The following ACTL8 variants were observed in gnomAD, a reference collection of about 807,000 sequenced individuals.
ACTL8 encodes actin-like protein 8.
A neutral mutation model predicts 9.3 loss-of-function variants in ACTL8; 3 were observed. That is an observed-to-expected ratio of 0.32 (90% CI 0.15 to 0.83). The LOEUF is 0.83. Ranked by LOEUF, ACTL8 falls within the 40% of genes least tolerant of loss-of-function variation. The pLI, the probability that ACTL8 is intolerant of heterozygous loss-of-function variation, is 0.57. For missense variants in ACTL8, 381 were observed against 492.2 expected (o/e 0.77, Z 2.14); for synonymous variants, 224 against 205.9 (o/e 1.09, Z -0.75).
chr1:17,821,960 CTTGG>C (rs1334769570), intron 1 of ACTL8, among the ~76,000 whole-genome samples: 15 of 152,168 alleles, frequency 9.9e-5, no homozygotes, highest in African/African-American at 3.4e-4. Context: ...CCCACATTGT[CTTGG>C]CTACTGTAGC....
chr1:17,814,211 T>C (rs1249213327), intron 1 of ACTL8, among the ~76,000 whole-genome samples: 2 of 152,230 alleles, frequency 1.3e-5, no homozygotes, highest in Non-Finnish European at 2.9e-5. Flanking sequence ...CACCAATACT[T>C]ACTGGCTGGA....
At chr1:17,812,516 G>A (rs570787220) in intron 1 of ACTL8, among the ~76,000 whole-genome samples, 1 of 139,200 alleles carries the variant, frequency 7.2e-6, no homozygotes, top group Middle Eastern at 4.0e-3. Context: ...TGCAACCTCC[G>A]CCTCCCGGGC....
chr1:17,779,423 A>G (rs1371530376), intron 1 of ACTL8, among the ~76,000 whole-genome samples: 1 of 152,184 alleles, frequency 6.6e-6, no homozygotes, highest in Non-Finnish European at 1.5e-5. Context: ...AGCTGTGTGA[A>G]TTTGGGAAAA....
At chr1:17,806,442 G>T (rs16830775) in intron 1 of ACTL8, among the ~76,000 whole-genome samples, 5,961 of 152,260 alleles carry the variant, frequency 0.039, 140 homozygotes, top group African/African-American at 0.047. Context: ...CCTGAACCCG[G>T]TTGCTCTTTA....
At chr1:17,788,046 T>C (rs1239165162) in intron 1 of ACTL8, among the ~76,000 whole-genome samples, 1 of 152,230 alleles carries the variant, frequency 6.6e-6, no homozygotes, top group Non-Finnish European at 1.5e-5. Context: ...GCCGTGCTCT[T>C]GTGAGTTGCA....
intron 1 of ACTL8, among the ~76,000 whole-genome samples, chr1:17,783,679 G>A (rs1373537145): frequency 6.6e-6 from 1 of 152,204 alleles, no homozygotes; most frequent in Middle Eastern, 3.2e-3. Context: ...TCGGGCTGGA[G>A]ATGTCACCTC....
intron 1 of ACTL8, among the ~76,000 whole-genome samples, chr1:17,768,027 G>A (rs550400938): frequency 1.1e-4 from 16 of 152,214 alleles, no homozygotes; most frequent in Middle Eastern, 3.4e-3. Context: ...TCAGGGCTCC[G>A]TGTGTGTAAG....
chr1:17,761,866 C>T (rs1357326000), intron 1 of ACTL8, among the ~76,000 whole-genome samples: 7 of 152,168 alleles, frequency 4.6e-5, no homozygotes, highest in Admixed American at 6.5e-5. Context: ...CTGCCGCGCC[C>T]GGCCCTGTTC....
chr1:17,762,777 G>A (rs1569990030), intron 1 of ACTL8, among the ~76,000 whole-genome samples: 1 of 152,128 alleles, frequency 6.6e-6, no homozygotes, highest in Non-Finnish European at 1.5e-5. Flanking sequence ...GCCCCCCAAG[G>A]CCTTGTTCCC....
intron 1 of ACTL8, among the ~76,000 whole-genome samples, chr1:17,773,409 A>G (rs977881545): frequency 6.6e-6 from 1 of 152,246 alleles, no homozygotes; most frequent in Admixed American, 6.5e-5. Context: ...AATAACAATT[A>G]GCGAGAATGC....
chr1:17,773,010 A>T (rs112276681), intron 1 of ACTL8, among the ~76,000 whole-genome samples: 6 of 152,334 alleles, frequency 3.9e-5, no homozygotes, highest in African/African-American at 1.4e-4. Context: ...AGCAGCAATC[A>T]TACCAGCATT....
intron 1 of ACTL8, among the ~76,000 whole-genome samples, chr1:17,815,466 CCTGA>C (rs1386404880): frequency 6.6e-6 from 1 of 152,132 alleles, no homozygotes; most frequent in African/African-American, 2.4e-5. Flanking sequence ...TTTAAAGATG[CCTGA>C]CTGTCTTCTG....
chr1:17,758,269 G>A (rs191335952), intron 1 of ACTL8, among the ~76,000 whole-genome samples: 3 of 152,328 alleles, frequency 2.0e-5, no homozygotes, highest in Admixed American at 2.0e-4. Context: ...GAGGGTAGCA[G>A]GAATGTATGG....
chr1:17,763,850 G>C (rs1279305166), intron 1 of ACTL8, among the ~76,000 whole-genome samples: 1 of 152,198 alleles, frequency 6.6e-6, no homozygotes, highest in Non-Finnish European at 1.5e-5. Flanking sequence ...TCGGGAAACA[G>C]GGGTTGGCCC....
In ACTL8 at chr1:17,826,751, T is replaced by C. The variant is rs1266945996; in HGVS notation, c.*232T>C. 5.1e-6 allele frequency: 2 copies of C among 388,512 alleles called. No homozygotes were observed. The highest frequency in any genetic ancestry group is 8.3e-5 in the Admixed American group (2 of 24,170). 24.1% of individuals were successfully genotyped at this position (388,512 alleles called of 1,614,324 possible). On this transcript the variant is annotated 3_prime_UTR_variant, in exon 3 of 3. Coordinates refer to ENST00000375406, the MANE Select transcript of ACTL8 (RefSeq NM_030812.3). The surrounding 1 kb of genome is among the most constrained non-coding windows in gnomAD (Gnocchi z 4.5). ...TCCTTGGAAACCCTGCAGGGGACAGTTTTTCCAGGGTGGCCTATCATTGGG... is the reference window on the plus strand; with the variant it reads ...TCCTTGGAAACCCTGCAGGGGACAGCTTTTCCAGGGTGGCCTATCATTGGG...
rs2053717285 is a variant in ACTL8 at position 17,826,150 on chromosome 1, C to T, written c.732C>T (p.Ser244=). The change falls in exon 3 of 3, where the codon TCC becomes TCT. Residue 244 remains serine (S), a synonymous_variant. Transcript: ENST00000375406. The surrounding 1 kb of genome is among the most constrained non-coding windows in gnomAD (Gnocchi z 4.5). ...ESNTYQLPDG[S]RVELTPMQRV... is the part of the protein sequence containing the mutation. Reference sequence around the variant, plus strand: ...ACACCTATCAGCTCCCAGACGGCTCCCGCGTGGAGCTGACCCCCATGCAGC... The same window carrying T: ...ACACCTATCAGCTCCCAGACGGCTCTCGCGTGGAGCTGACCCCCATGCAGC... 2 of 1,611,842 alleles carry T rather than the reference C, an allele frequency of 1.2e-6. No homozygotes were observed. Among genetic ancestry groups the T allele is most frequent in the African/African-American group, 1.3e-5 (1 of 74,908 alleles).
intron 1 of ACTL8, among the ~76,000 whole-genome samples, chr1:17,772,922 A>AT (rs397785846): frequency 2.0e-5 from 3 of 151,818 alleles, no homozygotes; most frequent in Middle Eastern, 3.2e-3. Context: ...GAAAAAAAAA[A>AT]GGATTGCCTG....
chr1:17,792,385 G>A (rs1419742001), intron 1 of ACTL8, among the ~76,000 whole-genome samples: 1 of 152,222 alleles, frequency 6.6e-6, no homozygotes, highest in African/African-American at 2.4e-5. Flanking sequence ...AAAGTACCAT[G>A]TGAACATTGT....
intron 1 of ACTL8, among the ~76,000 whole-genome samples, chr1:17,795,124 C>G (rs1206192243): frequency 6.6e-6 from 1 of 152,230 alleles, no homozygotes; most frequent in Non-Finnish European, 1.5e-5. Flanking sequence ...ACGTTAATAG[C>G]ATTCTCGCTC....
Sources: allele counts gnomAD v4.1 joint callset (sites outside exome capture counted in the v4.1 genomes callset), GRCh38; gene constraint gnomAD v4.1.1; non-coding constraint Gnocchi (gnomAD v3.1); transcripts MANE v1.5; gene names NCBI Gene and HGNC (gene_info 2026-07-23, HGNC 2026-07-21).